SPAG1: variants seen among roughly 807,000 people sequenced by gnomAD.
SPAG1 encodes sperm-associated antigen 1.
A neutral mutation model predicts 100.5 loss-of-function variants in SPAG1; 69 were observed. That is an observed-to-expected ratio of 0.69 (90% CI 0.57 to 0.84). The LOEUF is 0.84. Ranked by LOEUF, SPAG1 falls within the 40% of genes least tolerant of loss-of-function variation. The pLI, the probability that SPAG1 is intolerant of heterozygous loss-of-function variation, is 0.00. For synonymous variants in SPAG1, 336 were observed against 411.6 expected, an observed-to-expected ratio of 0.82 and a Z score of 2.22; for missense variants, 955 against 1,133.1, an observed-to-expected ratio of 0.84 and a Z score of 2.26.
rs574337447 is a variant in SPAG1 at position 100,210,715 on chromosome 8, C to G, written c.1097-2375C>G. Reference sequence around the variant, plus strand: ...TTTTTATTTTTTGTAGAGATGGAGTCTTGCTATGTTGCCCAGGCTTGCTTC... The same window carrying G: ...TTTTTATTTTTTGTAGAGATGGAGTGTTGCTATGTTGCCCAGGCTTGCTTC... On this transcript the variant is annotated intron_variant, in intron 10 of 18. Transcript: ENST00000388798. Among the ~76,000 whole-genome samples the G allele has an allele frequency of 2.0e-5, 3 of 152,138 alleles. No individual in the cohort carries two copies. The South Asian group carries it at 6.2e-4, about 32-fold the overall frequency.
chr8:100,200,275 C>G (rs186916989), intron 10 of SPAG1, among the ~76,000 whole-genome samples: 2 of 152,298 alleles, frequency 1.3e-5, no homozygotes, highest in Admixed American at 1.3e-4. Context: ...AGGACATGAA[C>G]TCATCCTTTT....
At chr8:100,193,348 C>T (rs1335064471) in intron 9 of SPAG1, among the ~76,000 whole-genome samples, 1 of 152,038 alleles carries the variant, frequency 6.6e-6, no homozygotes, top group East Asian at 1.9e-4. Flanking sequence ...GTAGTCCTAG[C>T]TACTCGGGAG....
chr8:100,197,186 C>T (rs1323672085), intron 10 of SPAG1, among the ~76,000 whole-genome samples: 1 of 152,094 alleles, frequency 6.6e-6, no homozygotes, highest in Non-Finnish European at 1.5e-5. Context: ...AAGCCAGGCA[C>T]AGTGGCATGC....
intron 4 of SPAG1, 58 bp from the exon 5 acceptor site, chr8:100,183,317 T>A: frequency 1.2e-6 from 1 of 817,638 alleles, no homozygotes; most frequent in Non-Finnish European, 2.0e-6. Context: ...GCATTTACAG[T>A]AAAACCTGAT....
At chr8:100,169,628 C>T (rs1253449641) in intron 3 of SPAG1, among the ~76,000 whole-genome samples, 4 of 152,090 alleles carry the variant, frequency 2.6e-5, no homozygotes, top group African/African-American at 9.7e-5. Flanking sequence ...GTCCCAGCTA[C>T]TCAGGAGGCT....
Position 100,225,287 on chromosome 8 carries a change from G to A in SPAG1, c.1803G>A (p.Met601Ile). ...PLQAWHPAKEMISKQAGDSSS... is the reference protein window; with the variant it reads ...PLQAWHPAKEIISKQAGDSSS... Reference sequence around the variant, plus strand: ...AAGCTTGGCATCCGGCAAAAGAGATGATCTCAAAACAAGCAGGAGACTCCA... The same window carrying A: ...AAGCTTGGCATCCGGCAAAAGAGATAATCTCAAAACAAGCAGGAGACTCCA... The change falls in exon 14 of 19, where the codon ATG (methionine) becomes ATA (isoleucine). Residue 601 changes from methionine to isoleucine, a missense_variant. Transcript: ENST00000388798. 1 of 1,613,972 alleles carries A rather than the reference G, an allele frequency of 6.2e-7. No homozygotes were observed. The highest frequency in any genetic ancestry group is 8.5e-7 in the Non-Finnish European group (1 of 1,180,014).
chr8:100,174,511 A>G (rs1028381608), intron 3 of SPAG1, among the ~76,000 whole-genome samples: 1 of 152,310 alleles, frequency 6.6e-6, no homozygotes, highest in African/African-American at 2.4e-5. Flanking sequence ...ATAGAAATCA[A>G]TCATAATTTC....
chr8:100,178,007 A>G (rs1816205013), intron 4 of SPAG1, 66 bp downstream of exon 4: 3 of 1,401,938 alleles, frequency 2.1e-6, no homozygotes, highest in East Asian at 2.3e-5. Flanking sequence ...TTAAGGGGCA[A>G]TCTCAGTTTA....
At position 100,213,425 on chromosome 8, in the gene SPAG1, G is replaced by A; in HGVS notation, c.1432G>A (p.Ala478Thr). Residue 478 changes from alanine (A) to threonine (T), a missense_variant, in exon 11 of 19, where the codon GCA (alanine) becomes ACA (threonine). By Grantham distance (58) the Ala-to-Thr change is moderately conservative. Transcript: ENST00000388798. ...GGCGGCAATCGCGCTCCTGGAGCCA[G>A]CAGGTAGGTGCGCCGCGCCCCGCCG... Reference protein sequence around the residue: ...YSAAIALLEPAGSEIADDLSI... With the variant: ...YSAAIALLEPTGSEIADDLSI... The A allele has an allele frequency of 7.2e-7, 1 of 1,398,476 alleles. No individual in the cohort carries two copies. The highest frequency in any genetic ancestry group is 9.3e-7 in the Non-Finnish European group (1 of 1,079,036). 86.6% of individuals were successfully genotyped at this position (1,398,476 alleles called of 1,614,324 possible).
intron 14 of SPAG1, 82 bp from the exon 15 acceptor site, chr8:100,231,074 A>C: frequency 7.9e-7 from 1 of 1,259,680 alleles, no homozygotes; most frequent in Middle Eastern, 2.9e-4. Flanking sequence ...TTTGCAATAG[A>C]AGATTTACTT....
intron 4 of SPAG1, among the ~76,000 whole-genome samples, chr8:100,181,522 T>C (rs1012381491): frequency 2.0e-5 from 3 of 152,308 alleles, no homozygotes; most frequent in African/African-American, 7.2e-5. Flanking sequence ...ACAACAGAAA[T>C]GTATTCTTTC....
intron 9 of SPAG1, among the ~76,000 whole-genome samples, 165 bp from the exon 10 acceptor site, chr8:100,193,943 GTGTT>G (rs1157231583): frequency 6.6e-5 from 10 of 151,524 alleles, no homozygotes; most frequent in Non-Finnish European, 1.5e-4. Flanking sequence ...TTGTGTGTGT[GTGTT>G]TTTTTTTTAC....
chr8:100,225,180 A>G lies in SPAG1; in HGVS notation c.1696A>G (p.Arg566Gly). 1 of 1,609,752 alleles carries G rather than the reference A, an allele frequency of 6.2e-7. No homozygotes were observed. The highest frequency in any genetic ancestry group is 8.5e-7 in the Non-Finnish European group (1 of 1,176,746). Reference sequence around the variant, plus strand: ...AATTCACTTTCTCTTTAGGCTATCAAGAATTTTAATGGAGCTGGATGGACC... The same window carrying G: ...AATTCACTTTCTCTTTAGGCTATCAGGAATTTTAATGGAGCTGGATGGACC... ...LANDSVNRLS[R>G]ILMELDGPNW... The change falls in exon 14 of 19, where the codon AGA becomes GGA. Residue 566 changes from arginine to glycine, a missense_variant. By Grantham distance (125) the Arg-to-Gly change is moderately radical. Coordinates refer to ENST00000388798, the MANE Select transcript of SPAG1 (RefSeq NM_003114.5).
At chr8:100,205,394 C>G (rs577313194) in intron 10 of SPAG1, among the ~76,000 whole-genome samples, 64 of 152,294 alleles carry the variant, frequency 4.2e-4, no homozygotes, top group African/African-American at 1.4e-3. Context: ...AACATCATTG[C>G]GGTCCTCCAG....
At chr8:100,221,330 C>A (rs550724595) in intron 13 of SPAG1, among the ~76,000 whole-genome samples, 7 of 151,942 alleles carry the variant, frequency 4.6e-5, no homozygotes, top group Non-Finnish European at 1.0e-4. Context: ...TTTATAATGG[C>A]GAAATAGCAA....
At chr8:100,214,038 G>T (rs1434437845) in intron 12 of SPAG1, 120 bp downstream of exon 12, 6 of 562,900 alleles carry the variant, frequency 1.1e-5, no homozygotes, top group Non-Finnish European at 1.9e-5. Flanking sequence ...TTTATGGTAT[G>T]TTAATTGATT....
intron 13 of SPAG1, among the ~76,000 whole-genome samples, chr8:100,224,411 G>A (rs7001931): frequency 0.084 from 12,714 of 152,076 alleles, 1,766 homozygotes; most frequent in African/African-American, 0.28. Context: ...GCGTGGTGGC[G>A]CGTGCCTGTA....
At chr8:100,207,258 C>T (rs1817549809) in intron 10 of SPAG1, among the ~76,000 whole-genome samples, 1 of 152,198 alleles carries the variant, frequency 6.6e-6, no homozygotes, top group Non-Finnish European at 1.5e-5. Context: ...TGATCAGGCT[C>T]AAGCAGGTTC....
At chr8:100,197,620 GTTCTCCATCTCATCACA>G (rs1817089828) in intron 10 of SPAG1, among the ~76,000 whole-genome samples, 1 of 152,116 alleles carries the variant, frequency 6.6e-6, no homozygotes, top group Admixed American at 6.5e-5. Context: ...TTTACATGTG[GTTCTCCATCTCATCACA>G]TTCCGGGAAA....
Sources: gnomAD v4.1 joint callset for allele counts (sites outside exome capture counted in the v4.1 genomes callset) on GRCh38, gnomAD v4.1.1 for gene constraint, MANE v1.5 for transcripts, NCBI Gene and HGNC (gene_info 2026-07-23, HGNC 2026-07-21) for gene names.